Variants in RALGAPA2 observed in about 807,000 individuals in gnomAD.
RALGAPA2 encodes Ral GTPase activating protein catalytic subunit alpha 2.
A neutral mutation model predicts 230.4 loss-of-function variants in RALGAPA2; 139 were observed. The ratio of observed to expected loss-of-function variants is 0.60; its 90% confidence interval spans 0.53 to 0.69. The LOEUF (loss-of-function observed/expected upper bound fraction) is 0.69, where lower values mean the gene tolerates loss of function less well. Among genes scored for constraint, RALGAPA2 ranks in the 30% least tolerant of loss-of-function variants. RALGAPA2 has a pLI of 0.00. For synonymous variants in RALGAPA2, 847 were observed against 837.8 expected (o/e 1.01, Z -0.19); for missense variants, 2,163 against 2,276.0 (o/e 0.95, Z 1.01).
At chr20:20,671,856 G>C (rs954692650) in intron 3 of RALGAPA2, among the ~76,000 whole-genome samples, 2 of 152,108 alleles carry the variant, frequency 1.3e-5, no homozygotes, top group Non-Finnish European at 2.9e-5. Flanking sequence ...GACAACAAAT[G>C]TAATTCTTAA....
At chr20:20,430,866 C>G (rs73901539) in intron 37 of RALGAPA2, among the ~76,000 whole-genome samples, 2,487 of 152,148 alleles carry the variant, frequency 0.016, 69 homozygotes, top group African/African-American at 0.058. Flanking sequence ...TTAAATGCCT[C>G]TATATATTTT....
At chr20:20,605,771 A>G (rs2065800728) in intron 14 of RALGAPA2, among the ~76,000 whole-genome samples, 1 of 152,166 alleles carries the variant, frequency 6.6e-6, no homozygotes, top group African/African-American at 2.4e-5. Flanking sequence ...TCCTACAGGA[A>G]AACCGCCAGC....
chr20:20,596,755 C>A (rs940245297), intron 16 of RALGAPA2, among the ~76,000 whole-genome samples: 2 of 152,178 alleles, frequency 1.3e-5, no homozygotes, highest in Non-Finnish European at 2.9e-5. Flanking sequence ...CGAGCCCAGG[C>A]CACTTGATTT....
In RALGAPA2 at chr20:20,611,339, C is replaced by G. The variant is rs6132323; in HGVS notation, c.1776G>C (p.Gln592His). The G allele has an allele frequency of 9.9e-6, 16 of 1,612,952 alleles. No homozygotes were observed. The highest frequency in any genetic ancestry group is 8.0e-5 in the African/African-American group (6 of 75,048). ...CCCTAAATAGTAACCCTGCCAAGCT[C>G]TGGGCAAACAAGTCCTTTATTTGTT... ...KDKQIKDLFAQSLAGLLFRTL... is the reference protein window; with the variant it reads ...KDKQIKDLFAHSLAGLLFRTL... The change falls in exon 14 of 40, where the codon CAG (glutamine) becomes CAC (histidine). Residue 592 changes from glutamine (Q) to histidine (H), a missense_variant. Coordinates refer to ENST00000202677, the MANE Select transcript of RALGAPA2 (RefSeq NM_020343.4).
At chr20:20,529,209 G>A (rs1039267199) in intron 27 of RALGAPA2, among the ~76,000 whole-genome samples, 1 of 152,174 alleles carries the variant, frequency 6.6e-6, no homozygotes, top group African/African-American at 2.4e-5. Context: ...TGATCCCTCT[G>A]CTTTCTTAGC....
rs572646893 is a variant in RALGAPA2, at chr20:20,486,707, T to C, written c.5367+8410A>G. On this transcript the variant is annotated intron_variant, in intron 36 of 39. Coordinates refer to ENST00000202677, the MANE Select transcript of RALGAPA2 (RefSeq NM_020343.4). ...CTCTTCCTTGTATTCTCATTACATG[T>C]TGTTACATCTTTTGTGATTGTCACA... Among the ~76,000 whole-genome samples the C allele has an allele frequency of 2.0e-5, 3 of 152,344 alleles. No homozygotes were observed. The East Asian group carries it at 5.8e-4, about 29-fold the overall frequency.
At chr20:20,446,601 G>A (rs981652502) in intron 37 of RALGAPA2, among the ~76,000 whole-genome samples, 4 of 152,152 alleles carry the variant, frequency 2.6e-5, no homozygotes, top group African/African-American at 4.8e-5. Flanking sequence ...GCATTACTAC[G>A]CATAAAGAGA....
chr20:20,640,574 T>C, intron 6 of RALGAPA2, 127 bp downstream of exon 6: 1 of 897,858 alleles, frequency 1.1e-6, no homozygotes, highest in Non-Finnish European at 1.7e-6. Flanking sequence ...CTACAGTGAA[T>C]ATGAAAGGGG....
Position 20,605,279 on chromosome 20 carries a change from T to C in RALGAPA2, c.1934A>G (p.Asp645Gly). The change falls in exon 15 of 40, where the codon GAC becomes GGC. Residue 645 changes from aspartate to glycine, a missense_variant. Physicochemically the swap from Asp to Gly is moderately conservative, Grantham distance 94. Coordinates refer to ENST00000202677, the MANE Select transcript of RALGAPA2 (RefSeq NM_020343.4). ...ELINEWANIM[D>G]SLTAVLARTV... ...TCTTGCAAGCACTGCTGTCAAGGAG[T>C]CCATAATGTTGGCCCACTCGTTTAT... 1 of 1,613,518 alleles carries C rather than the reference T, an allele frequency of 6.2e-7. No individual in the cohort carries two copies. Among genetic ancestry groups the C allele is most frequent in the Non-Finnish European group, 8.5e-7 (1 of 1,179,752 alleles).
chr20:20,588,796 G>A (rs1344189050), intron 18 of RALGAPA2, among the ~76,000 whole-genome samples: 1 of 152,080 alleles, frequency 6.6e-6, no homozygotes, highest in African/African-American at 2.4e-5. Flanking sequence ...GCATGAATGA[G>A]TTATGGGCTT....
chr20:20,643,241 C>G (rs2067102448), intron 5 of RALGAPA2, among the ~76,000 whole-genome samples: 1 of 152,176 alleles, frequency 6.6e-6, no homozygotes, highest in Admixed American at 6.5e-5. Context: ...TGGTCCCTAC[C>G]CATACCCAGC....
chr20:20,580,429 C>T (rs897982041), intron 20 of RALGAPA2, among the ~76,000 whole-genome samples: 4 of 152,130 alleles, frequency 2.6e-5, no homozygotes, highest in African/African-American at 7.2e-5. Flanking sequence ...AGTCAATATC[C>T]CCTGCCCTGT....
intron 4 of RALGAPA2, 97 bp from the exon 5 acceptor site, chr20:20,643,646 T>C (rs532028657): frequency 1.8e-6 from 2 of 1,141,238 alleles, no homozygotes; most frequent in East Asian, 6.3e-5. Flanking sequence ...AATATACTTT[T>C]TAAAAATAAA....
chr20:20,632,121 T>C (rs1218230687), intron 9 of RALGAPA2, among the ~76,000 whole-genome samples: 1 of 151,368 alleles, frequency 6.6e-6, no homozygotes, highest in Admixed American at 6.6e-5. Context: ...GCCTCCTGGG[T>C]CCATGCCTTT....
rs1210230822 is a variant in RALGAPA2 at position 20,512,971 on chromosome 20, G to C, written c.4398C>G (p.Ile1466Met). ...TACCATCCCAAGAGTACTTCCCTGA[G>C]ATATCCCTCACAATTACTCTCACAT... ...LSDVRVIVRD[I>M]SGKYSWDGKV... is the part of the protein sequence containing the mutation. The change falls in exon 32 of 40, where the codon ATC becomes ATG. Residue 1466 changes from isoleucine to methionine, a missense_variant. Physicochemically the swap from Ile to Met is conservative, Grantham distance 10. Transcript: ENST00000202677. 1 of 1,613,782 alleles carries C rather than the reference G, an allele frequency of 6.2e-7. No homozygotes were observed.
chr20:20,577,213 G>T (rs1383666699), intron 20 of RALGAPA2, among the ~76,000 whole-genome samples: 1 of 152,062 alleles, frequency 6.6e-6, no homozygotes, highest in Non-Finnish European at 1.5e-5. Flanking sequence ...CTCTGGATCT[G>T]AGGAACTCAA....
rs34940871 is a variant in RALGAPA2, at chr20:20,561,977, G to C, written c.3156+9481C>G. On this transcript the variant is annotated intron_variant, in intron 23 of 39. Transcript: ENST00000202677. The stretch of plus-strand genomic sequence containing the variant: ...CAGACATTGCCAAATGTTCCCTGGA[G>C]GGGGCAAAATTCCCCTGCCCCTCAA... Among the ~76,000 whole-genome samples the C allele has an allele frequency of 1.8e-3, 269 of 152,292 alleles. 2 individuals are homozygous for C. The highest frequency in any genetic ancestry group is 2.4e-3 in the Non-Finnish European group (165 of 68,026).
intron 27 of RALGAPA2, among the ~76,000 whole-genome samples, chr20:20,530,589 G>GATA: frequency 6.6e-6 from 1 of 152,206 alleles, no homozygotes; most frequent in Non-Finnish European, 1.5e-5. Context: ...ATGCACAAAG[G>GATA]GTGGTACAGA....
chr20:20,412,057 G>A lies in RALGAPA2; in HGVS notation c.5587C>T (p.Pro1863Ser). 6.2e-7 allele frequency: 1 copy of A among 1,613,998 alleles called. No individual in the cohort carries two copies. Among genetic ancestry groups the A allele is most frequent in the South Asian group, 1.1e-5 (1 of 91,068 alleles). The change falls in exon 38 of 40, where the codon CCC becomes TCC. Residue 1863 changes from proline to serine, a missense_variant. By Grantham distance (74) the Pro-to-Ser change is moderately conservative. Transcript: ENST00000202677. Reference sequence around the variant, plus strand: ...CCGCTGAGGGAGTAGCTGGGAGAGGGAGAAAAGACTTGGGCTGCGAAATCC... The same window carrying A: ...CCGCTGAGGGAGTAGCTGGGAGAGGAAGAAAAGACTTGGGCTGCGAAATCC... ...FEDFAAQVFS[P>S]SPSYSLSGTD
Sources: gnomAD v4.1 joint callset for allele counts (sites outside exome capture counted in the v4.1 genomes callset) on GRCh38, gnomAD v4.1.1 for gene constraint, MANE v1.5 for transcripts, NCBI Gene and HGNC (gene_info 2026-07-23, HGNC 2026-07-21) for gene names.